Variants in CAMTA1 observed in about 807,000 individuals in gnomAD.
The protein encoded by CAMTA1 is calmodulin binding transcription activator 1, also known as calmodulin-binding transcription activator 1.
CAMTA1 carries 27 observed loss-of-function variants against 170.9 expected under a neutral mutation model. That is an observed-to-expected ratio of 0.16 (90% CI 0.12 to 0.22). CAMTA1 has a LOEUF of 0.22. CAMTA1 is among the 10% of genes least tolerant of loss of function. The pLI, the probability that CAMTA1 is intolerant of heterozygous loss-of-function variation, is 1.00. For synonymous variants in CAMTA1, 833 were observed against 891.5 expected, an observed-to-expected ratio of 0.93 and a Z score of 1.17; for missense variants, 1,619 against 2,217.2, an observed-to-expected ratio of 0.73 and a Z score of 5.42.
chr1:7,011,097 G>A (rs1475474163), intron 3 of CAMTA1, among the ~76,000 whole-genome samples: 2 of 152,246 alleles, frequency 1.3e-5, no homozygotes, highest in African/African-American at 4.8e-5. Flanking sequence ...ACTGGCTTCT[G>A]TCTTGGCATG....
chr1:7,342,012 T>C (rs917281797), intron 5 of CAMTA1, among the ~76,000 whole-genome samples: 2 of 152,314 alleles, frequency 1.3e-5, no homozygotes, highest in East Asian at 3.9e-4. Flanking sequence ...TTGTGTGCAA[T>C]ACCTCAGGGA....
At chr1:7,742,530 TCCAAAGCTA>T (rs2096826491) in intron 16 of CAMTA1, among the ~76,000 whole-genome samples, 2 of 152,134 alleles carry the variant, frequency 1.3e-5, no homozygotes, top group South Asian at 4.1e-4. Context: ...TGAATAAAAA[TCCAAAGCTA>T]CCCATTTAAA....
Position 7,732,533 on chromosome 1 carries a change from A to G in CAMTA1, c.3000A>G (p.Lys1000=). ...MAEMTGSQQH[K]QASGGGSSGG... Reference sequence around the variant, plus strand: ...AGATGACGGGGTCCCAGCAGCACAAACAGGCGAGCGGAGGCGGCAGCAGTG... The same window carrying G: ...AGATGACGGGGTCCCAGCAGCACAAGCAGGCGAGCGGAGGCGGCAGCAGTG... Residue 1000 remains lysine, a synonymous_variant, in exon 12 of 23, where the codon AAA becomes AAG. Transcript: ENST00000303635. The surrounding 1 kb of genome is among the most constrained non-coding windows in gnomAD (Gnocchi z 4.1). The G allele has an allele frequency of 6.2e-7, 1 of 1,613,738 alleles. No homozygotes were observed. Among genetic ancestry groups the G allele is most frequent in the Non-Finnish European group, 8.5e-7 (1 of 1,179,978 alleles).
chr1:6,926,638 C>G (rs1683328908), intron 3 of CAMTA1, among the ~76,000 whole-genome samples: 1 of 145,824 alleles, frequency 6.9e-6, no homozygotes, highest in Admixed American at 7.0e-5. Context: ...CCCTCCTCTT[C>G]TTCTTTCTTT....
chr1:7,680,534 G>A lies in CAMTA1; in HGVS notation c.2914+2801G>A, dbSNP rs2149305783. Among the ~76,000 whole-genome samples, 2 of 151,672 alleles carry A rather than the reference G, an allele frequency of 1.3e-5. No homozygotes were observed. The highest frequency in any genetic ancestry group is 6.8e-3 in the Middle Eastern group (2 of 292). Reference sequence around the variant, plus strand: ...GGAACTGCTGGCGGCGCCGCGCCCCGCGGGGTCTGGGGCCCCAGCAGGGAC... The same window carrying A: ...GGAACTGCTGGCGGCGCCGCGCCCCACGGGGTCTGGGGCCCCAGCAGGGAC... On this transcript the variant is annotated intron_variant, in intron 11 of 22. Transcript: ENST00000303635. This position sits in a 1 kb window ranked among gnomAD's most constrained non-coding sequence, Gnocchi z 4.4.
chr1:7,231,520 C>T (rs1662829119), intron 4 of CAMTA1, among the ~76,000 whole-genome samples: 1 of 152,124 alleles, frequency 6.6e-6, no homozygotes, highest in Non-Finnish European at 1.5e-5. Flanking sequence ...TTACAGGTGC[C>T]AACCACCATG....
chr1:7,617,818 A>C (rs111229242), intron 6 of CAMTA1, among the ~76,000 whole-genome samples: 4 of 152,092 alleles, frequency 2.6e-5, no homozygotes, highest in African/African-American at 9.6e-5. Context: ...AGTCCAGTGA[A>C]TGGAGAATCG....
chr1:7,737,294 G>A lies in CAMTA1; in HGVS notation c.3382G>A (p.Val1128Met), dbSNP rs545301543. Residue 1128 changes from valine to methionine, a missense_variant, in exon 15 of 23, where the codon GTG becomes ATG. Transcript: ENST00000303635. ...CCTAGGGCACTTGGAAGCTGCCGTC[G>A]TGCTGTACAAGTGGGACCGTCGGGC... The part of the protein sequence containing the change: ...CALGHLEAAV[V>M]LYKWDRRAIS... 5.0e-6 allele frequency: 8 copies of A among 1,614,120 alleles called. No homozygotes were observed. Among genetic ancestry groups the A allele is most frequent in the South Asian group, 1.1e-5 (1 of 91,082 alleles).
intron 6 of CAMTA1, among the ~76,000 whole-genome samples, chr1:7,590,612 C>T (rs2095348318): frequency 6.6e-6 from 1 of 152,244 alleles, no homozygotes; most frequent in Non-Finnish European, 1.5e-5. Context: ...GGTTGGCTGA[C>T]AGCCAGCCAG....
intron 6 of CAMTA1, among the ~76,000 whole-genome samples, chr1:7,548,457 GC>G (rs1393530067): frequency 6.4e-5 from 7 of 109,988 alleles, no homozygotes; most frequent in Admixed American, 9.5e-5. Flanking sequence ...GGTGGAGGGT[GC>G]CCCCTTAGGA....
At chr1:7,500,947 G>A (rs2093995763) in intron 6 of CAMTA1, among the ~76,000 whole-genome samples, 1 of 152,162 alleles carries the variant, frequency 6.6e-6, no homozygotes, top group South Asian at 2.1e-4. Context: ...CAGAAACTCT[G>A]GGAACCGTAG....
At chr1:7,705,207 G>C in intron 11 of CAMTA1, among the ~76,000 whole-genome samples, 1 of 151,358 alleles carries the variant, frequency 6.6e-6, no homozygotes, top group African/African-American at 2.4e-5. Context: ...GCGAGAGTGG[G>C]GAGTGAGTGT....
Position 7,482,275 on chromosome 1 carries a change from T to C in CAMTA1, c.510+14374T>C, listed in dbSNP as rs945976451. Reference sequence around the variant, plus strand: ...GCTACATTTGGAGTGCCTGGAGCCATGCCTAGCACATAAGTACTTGTTTAT... The same window carrying C: ...GCTACATTTGGAGTGCCTGGAGCCACGCCTAGCACATAAGTACTTGTTTAT... On this transcript the variant is annotated intron_variant, in intron 6 of 22. Transcript: ENST00000303635. The surrounding 1 kb of genome is among the most constrained non-coding windows in gnomAD (Gnocchi z 4.2). Among the ~76,000 whole-genome samples the C allele has an allele frequency of 2.0e-5, 3 of 152,148 alleles. No homozygotes were observed. Among genetic ancestry groups the C allele is most frequent in the South Asian group, 2.1e-4 (1 of 4,828 alleles).
At chr1:7,348,900 C>T (rs942361638) in intron 5 of CAMTA1, among the ~76,000 whole-genome samples, 2 of 152,216 alleles carry the variant, frequency 1.3e-5, no homozygotes, top group African/African-American at 4.8e-5. Flanking sequence ...AGTTGCCCAT[C>T]AAAGTTGCCT....
intron 5 of CAMTA1, among the ~76,000 whole-genome samples, chr1:7,371,762 C>T (rs1263289661): frequency 6.6e-6 from 1 of 152,222 alleles, no homozygotes; most frequent in African/African-American, 2.4e-5. Flanking sequence ...TTTCCATGAT[C>T]TTCAGTTTAG....
At chr1:7,669,900 C>G (rs2096041507) in intron 9 of CAMTA1, among the ~76,000 whole-genome samples, 1 of 152,246 alleles carries the variant, frequency 6.6e-6, no homozygotes, top group Non-Finnish European at 1.5e-5. Flanking sequence ...GCACCTCCCT[C>G]TCTCATCACT....
chr1:7,287,062 G>A (rs1043347095), intron 5 of CAMTA1, among the ~76,000 whole-genome samples: 3 of 152,210 alleles, frequency 2.0e-5, no homozygotes, highest in Non-Finnish European at 4.4e-5. Context: ...GAGATCAGCT[G>A]CCTGGAGCAA....
intron 5 of CAMTA1, among the ~76,000 whole-genome samples, chr1:7,290,073 G>A (rs1672901967): frequency 6.6e-6 from 1 of 152,212 alleles, no homozygotes; most frequent in African/African-American, 2.4e-5. Flanking sequence ...AATAGGTTAT[G>A]GAAGCCCTGA....
chr1:7,131,522 CTTTT>C lies in CAMTA1; in HGVS notation c.302+40164_302+40167del, dbSNP rs58819912. On this transcript the variant is annotated intron_variant, in intron 4 of 22. Transcript: ENST00000303635. ...AGATGAGGGTCAAGGATCGTCTTTT[CTTTT>C]TTTTTTTTTTTTCTTGCTGTGGCTA... Among the ~76,000 whole-genome samples, 6 of 126,684 alleles carry C rather than the reference CTTTT, an allele frequency of 4.7e-5. No homozygotes were observed. In the East Asian group the frequency reaches 1.2e-3, roughly 24 times the overall value. The allele number at this position is 126,684 out of a possible 152,430, so 83.1% of individuals were successfully genotyped here.
Sources: gnomAD v4.1 joint callset for allele counts (sites outside exome capture counted in the v4.1 genomes callset) on GRCh38, gnomAD v4.1.1 for gene constraint, Gnocchi (gnomAD v3.1) non-coding constraint, MANE v1.5 for transcripts, NCBI Gene and HGNC (gene_info 2026-07-23, HGNC 2026-07-21) for gene names.